Variants in TMEM39A observed in about 807,000 individuals in gnomAD.
TMEM39A encodes transmembrane protein 39A.
In TMEM39A, 19 loss-of-function variants were observed where a neutral mutation model predicts 51.9. The ratio of observed to expected loss-of-function variants is 0.37; its 90% CI spans 0.26 to 0.54. The LOEUF is 0.54. Ranked by LOEUF, TMEM39A falls within the 20% of genes least tolerant of loss-of-function variation. The pLI, the probability that TMEM39A is intolerant of heterozygous loss-of-function variation, is 0.88. For synonymous variants in TMEM39A, 197 were observed against 220.2 expected (o/e 0.89, Z 0.93); for missense variants, 433 against 590.5 (o/e 0.73, Z 2.76).
At chr3:119,446,206 A>C (rs1185596646) in intron 5 of TMEM39A, among the ~76,000 whole-genome samples, 1 of 152,250 alleles carries the variant, frequency 6.6e-6, no homozygotes, top group Non-Finnish European at 1.5e-5. Context: ...TACTAAGTCA[A>C]GAACTTTCCC....
chr3:119,434,680 C>G lies in TMEM39A; in HGVS notation c.1233+82G>C, dbSNP rs957111078. ...ATAATTTCCTAGTATGTGCTACATG[C>G]TATGCTACATGCTTCCACATAGAGT... On this transcript the variant is annotated intron_variant, in intron 8 of 8. Transcript: ENST00000319172. 1.0e-5 allele frequency: 16 copies of G among 1,550,988 alleles called. No individual in the cohort carries two copies. In the African/African-American group the frequency reaches 2.1e-4, roughly 20 times the overall value.
chr3:119,436,016 C>A, intron 7 of TMEM39A: 1 of 1,025,598 alleles, frequency 9.8e-7, no homozygotes. Flanking sequence ...CAATCTGTCC[C>A]ACTTAACTAG....
Position 119,438,064 on chromosome 3 carries a change from A to G in TMEM39A, c.615T>C (p.Asp205=). 6.3e-7 allele frequency: 1 copy of G among 1,597,176 alleles called. No homozygotes were observed. The highest frequency in any genetic ancestry group is 8.6e-7 in the Non-Finnish European group (1 of 1,165,692). The change falls in exon 6 of 9, where the codon GAT becomes GAC. Residue 205 remains aspartate (D), a synonymous_variant. Coordinates refer to ENST00000319172, the MANE Select transcript of TMEM39A (RefSeq NM_018266.3). Reference sequence around the variant, plus strand: ...CTGTGAGAAGAAGATGTGCTCTACTATCTTGATGAAAACAGCAAAGAGGAA... The same window carrying G: ...CTGTGAGAAGAAGATGTGCTCTACTGTCTTGATGAAAACAGCAAAGAGGAA... ...VYVPLCCFHQ[D]SRAHLLLTDY... is the part of the protein sequence containing the mutation.
chr3:119,448,976 T>C lies in TMEM39A; in HGVS notation c.421-1804A>G, dbSNP rs568964678. Among the ~76,000 whole-genome samples the C allele has an allele frequency of 3.3e-5, 5 of 152,194 alleles. No homozygotes were observed. In the South Asian group the frequency reaches 1.0e-3, roughly 32 times the overall value. On this transcript the variant is annotated intron_variant, in intron 4 of 8. Coordinates refer to ENST00000319172, the MANE Select transcript of TMEM39A (RefSeq NM_018266.3). Reference sequence around the variant, plus strand: ...GCTGACTAACCAAGAAAAACAAATATTAAACTTTTATCTAATCATTTTTTT... The same window carrying C: ...GCTGACTAACCAAGAAAAACAAATACTAAACTTTTATCTAATCATTTTTTT...
chr3:119,445,741 A>G (rs1463168108), intron 5 of TMEM39A, among the ~76,000 whole-genome samples: 2 of 152,234 alleles, frequency 1.3e-5, no homozygotes, highest in Non-Finnish European at 2.9e-5. Context: ...GGATGGAGAG[A>G]TGGACAGATA....
intron 6 of TMEM39A, among the ~76,000 whole-genome samples, chr3:119,437,342 T>C (rs2080983520): frequency 6.6e-6 from 1 of 152,014 alleles, no homozygotes; most frequent in Admixed American, 6.5e-5. Context: ...CCATTTTTCT[T>C]TTCTATTAAA....
chr3:119,443,541 G>A (rs1165816276), intron 5 of TMEM39A, among the ~76,000 whole-genome samples: 1 of 152,180 alleles, frequency 6.6e-6, no homozygotes, highest in African/African-American at 2.4e-5. Context: ...ATGCTCATCT[G>A]CATACTTTAG....
intron 5 of TMEM39A, among the ~76,000 whole-genome samples, chr3:119,438,523 T>C (rs2107663657): frequency 6.6e-6 from 1 of 152,366 alleles, no homozygotes; most frequent in Non-Finnish European, 1.5e-5. Context: ...CATGTGTGTA[T>C]ATTGAGTATT....
At chr3:119,434,248 T>A (rs542712391) in intron 8 of TMEM39A, among the ~76,000 whole-genome samples, 44 of 152,322 alleles carry the variant, frequency 2.9e-4, no homozygotes, top group African/African-American at 1.0e-3. Context: ...TATTGCTTTT[T>A]CCTTTTTTAA....
rs1388469907 is a variant in TMEM39A at position 119,442,629 on chromosome 3, G to A, written c.575+4389C>T. Among the ~76,000 whole-genome samples the A allele has an allele frequency of 2.0e-5, 3 of 152,328 alleles. No individual in the cohort carries two copies. In the South Asian group the frequency reaches 6.2e-4, roughly 32 times the overall value. ...CATTGAGAACATTTGTGATTTATGAGAGGAGGTCAAAATATCAACACGAGC... is the reference window on the plus strand; with the variant it reads ...CATTGAGAACATTTGTGATTTATGAAAGGAGGTCAAAATATCAACACGAGC... On this transcript the variant is annotated intron_variant, in intron 5 of 8. Transcript: ENST00000319172.
intron 3 of TMEM39A, 70 bp downstream of exon 3, chr3:119,457,948 T>C: frequency 8.4e-7 from 1 of 1,183,816 alleles, no homozygotes; most frequent in Non-Finnish European, 1.2e-6. Flanking sequence ...AAACAATTTC[T>C]ACAGAAAGGC....
chr3:119,448,031 C>T (rs2081150834), intron 4 of TMEM39A, among the ~76,000 whole-genome samples: 1 of 152,144 alleles, frequency 6.6e-6, no homozygotes, highest in African/African-American at 2.4e-5. Flanking sequence ...GAATCCTCAC[C>T]TCTAATTTGC....
In TMEM39A at chr3:119,430,057, G is replaced by T. The variant is rs1412805956; in HGVS notation, c.*1924C>A. On this transcript the variant is annotated 3_prime_UTR_variant, in exon 9 of 9. Transcript: ENST00000319172. ...CATGAAAATGTTGCTGCCAAGAGAA[G>T]CATATTTTCAAGATCCTACAGAAAG... is the stretch of plus-strand genomic sequence containing the variant. 1.1e-4 allele frequency: 16 copies of T among 152,058 alleles called. No individual in the cohort carries two copies. The highest frequency in any genetic ancestry group is 1.8e-4 in the Non-Finnish European group (12 of 67,980). The allele number at this position is 152,058 out of a possible 1,614,324, so 9.4% of individuals were successfully genotyped here.
intron 4 of TMEM39A, among the ~76,000 whole-genome samples, chr3:119,447,678 G>A (rs1038115060): frequency 6.6e-6 from 1 of 151,830 alleles, no homozygotes; most frequent in African/African-American, 2.4e-5. Flanking sequence ...AGGCTGGAGT[G>A]CAGTGGCACA....
At chr3:119,447,212 G>T in intron 4 of TMEM39A, 40 bp from the exon 5 acceptor site, 1 of 1,591,680 alleles carries the variant, frequency 6.3e-7, no homozygotes, top group Non-Finnish European at 8.6e-7. Context: ...TTTTGTAAAT[G>T]ATCTTCTTCA....
rs1237219551 is a variant in TMEM39A, at chr3:119,429,406, G to A, written c.*2575C>T. The A allele has an allele frequency of 6.6e-6, 1 of 151,776 alleles. No homozygotes were observed. The highest frequency in any genetic ancestry group is 1.5e-5 in the Non-Finnish European group (1 of 67,904). 9.4% of individuals were successfully genotyped at this position (151,776 alleles called of 1,614,324 possible). A position where few individuals can be genotyped will look rare whatever the true frequency, so the allele number is the denominator to read the frequency against. On this transcript the variant is annotated 3_prime_UTR_variant, in exon 9 of 9. Transcript: ENST00000319172. ...ACCTTAGACCACCCAGACTAGTCAA[G>A]TATCTTCTTTCCTTTTCCAGTATCC...
chr3:119,447,853 C>T (rs2081148929), intron 4 of TMEM39A, among the ~76,000 whole-genome samples: 1 of 152,066 alleles, frequency 6.6e-6, no homozygotes, highest in South Asian at 2.1e-4. Context: ...TAACTCCTGA[C>T]CTCGTGATCC....
At chr3:119,435,970 G>A in intron 7 of TMEM39A, 1 of 1,273,204 alleles carries the variant, frequency 7.9e-7, no homozygotes, top group Non-Finnish European at 1.0e-6. Flanking sequence ...ATTGAAGGGA[G>A]AACTCTCAGG....
chr3:119,436,318 G>C (rs751843471), intron 7 of TMEM39A, among the ~76,000 whole-genome samples: 1 of 152,092 alleles, frequency 6.6e-6, no homozygotes, highest in Non-Finnish European at 1.5e-5. Context: ...TAGTAAAAAA[G>C]TACAGGTAAG....
Sources: allele counts gnomAD v4.1 joint callset (sites outside exome capture counted in the v4.1 genomes callset), GRCh38; gene constraint gnomAD v4.1.1; transcripts MANE v1.5; gene names NCBI Gene and HGNC (gene_info 2026-07-23, HGNC 2026-07-21).